Variants in ATG10 observed in about 807,000 individuals in gnomAD.
ATG10 encodes the protein ubiquitin-like-conjugating enzyme ATG10.
ATG10 carries 30 observed loss-of-function variants against 32.1 expected under a neutral mutation model. That is an observed-to-expected ratio of 0.94 (90% CI 0.70 to 1.27). ATG10 has a LOEUF of 1.27. ATG10 is among the 50% of genes most tolerant of loss of function. ATG10 has a pLI of 0.00. For missense variants in ATG10, 233 were observed against 262.3 expected (o/e 0.89, Z 0.77); for synonymous variants, 87 against 91.5 (o/e 0.95, Z 0.28).
chr5:82,073,743 C>G (rs190289708), intron 3 of ATG10: 13 of 152,322 alleles, frequency 8.5e-5, no homozygotes, highest in African/African-American at 1.9e-4. Context: ...TTGCTCTCCA[C>G]ATCTTTCTCA....
intron 3 of ATG10, among the ~76,000 whole-genome samples, chr5:82,059,405 CACTTT>C (rs1763700084): frequency 7.0e-6 from 1 of 143,104 alleles, no homozygotes; most frequent in African/African-American, 2.5e-5. Context: ...CACACACACA[CACTTT>C]TTTTTTTTTT....
chr5:82,059,405 CA>C (rs1188817286), intron 3 of ATG10, among the ~76,000 whole-genome samples: 3,205 of 143,090 alleles, frequency 0.022, 35 homozygotes, highest in Non-Finnish European at 0.033. Context: ...CACACACACA[CA>C]CTTTTTTTTT....
intron 3 of ATG10, among the ~76,000 whole-genome samples, chr5:82,123,817 T>TAAAC (rs1766143377): frequency 6.6e-6 from 1 of 151,180 alleles, no homozygotes. Context: ...AAGCCTGTTG[T>TAAAC]CTCAGCTAGT....
intron 5 of ATG10, among the ~76,000 whole-genome samples, chr5:82,219,771 T>G (rs111492236): frequency 6.4e-4 from 98 of 152,388 alleles, no homozygotes; most frequent in Non-Finnish European, 1.2e-3. Flanking sequence ...CTGTTTGCTC[T>G]ACATGCTTTA....
rs1384727262 is a variant in ATG10, at chr5:82,254,717, G to A, written c.*654G>A. ...CCATTTGTCTGACATGGAGATTGAGGGAGAAATGTATTTGTGTGTTCATTT... is the reference window on the plus strand; with the variant it reads ...CCATTTGTCTGACATGGAGATTGAGAGAGAAATGTATTTGTGTGTTCATTT... On this transcript the variant is annotated 3_prime_UTR_variant, in exon 8 of 8. Coordinates refer to ENST00000282185, the MANE Select transcript of ATG10 (RefSeq NM_031482.5). 1 of 152,070 alleles carries A rather than the reference G, an allele frequency of 6.6e-6. No homozygotes were observed. The highest frequency in any genetic ancestry group is 1.5e-5 in the Non-Finnish European group (1 of 68,016). 9.4% of individuals were successfully genotyped at this position (152,070 alleles called of 1,614,324 possible). A position where few individuals can be genotyped will look rare whatever the true frequency, so the allele number is the denominator to read the frequency against.
At chr5:82,084,316 G>A (rs887867835) in intron 3 of ATG10, among the ~76,000 whole-genome samples, 1 of 152,184 alleles carries the variant, frequency 6.6e-6, no homozygotes, top group African/African-American at 2.4e-5. Context: ...AAGCCTCCAA[G>A]AAATATGGAA....
chr5:82,178,072 TG>T (rs1188987079), intron 4 of ATG10, among the ~76,000 whole-genome samples: 3 of 152,268 alleles, frequency 2.0e-5, no homozygotes, highest in East Asian at 3.9e-4. Context: ...CATGAGAATG[TG>T]AAAGATGCAT....
At chr5:82,135,387 G>A (rs545703313) in intron 3 of ATG10, among the ~76,000 whole-genome samples, 82 of 152,136 alleles carry the variant, frequency 5.4e-4, no homozygotes, top group South Asian at 4.4e-3. Flanking sequence ...TTCTCTAAGC[G>A]CTGCTTTAGC....
At chr5:82,052,568 G>C (rs1463042122) in intron 2 of ATG10, among the ~76,000 whole-genome samples, 1 of 152,106 alleles carries the variant, frequency 6.6e-6, no homozygotes, top group African/African-American at 2.4e-5. Context: ...GTATTTATAG[G>C]CACAAAAGAG....
At chr5:82,139,713 G>C (rs1185148415) in intron 3 of ATG10, among the ~76,000 whole-genome samples, 5 of 143,244 alleles carry the variant, frequency 3.5e-5, no homozygotes, top group South Asian at 2.3e-4. Flanking sequence ...AGGGAGGTGG[G>C]GGGGGGTCAG....
At chr5:82,087,378 C>T (rs564566176) in intron 3 of ATG10, among the ~76,000 whole-genome samples, 38 of 151,874 alleles carry the variant, frequency 2.5e-4, no homozygotes, top group African/African-American at 9.2e-4. Context: ...ATTAATTGGG[C>T]TTAGGGGAAT....
intron 4 of ATG10, among the ~76,000 whole-genome samples, chr5:82,175,887 G>GCACACA (rs146858605): frequency 6.9e-4 from 89 of 129,580 alleles, no homozygotes; most frequent in Non-Finnish European, 1.4e-3. Flanking sequence ...ACACACACAC[G>GCACACA]CACACACACA....
At chr5:82,208,532 A>G (rs908388661) in intron 5 of ATG10, among the ~76,000 whole-genome samples, 17 of 151,974 alleles carry the variant, frequency 1.1e-4, no homozygotes, top group African/African-American at 4.1e-4. Context: ...GCATTTTCTT[A>G]GCTTCTTGTT....
At chr5:82,055,236 T>A (rs1484140824) in intron 2 of ATG10, among the ~76,000 whole-genome samples, 1 of 152,124 alleles carries the variant, frequency 6.6e-6, no homozygotes, top group African/African-American at 2.4e-5. Flanking sequence ...CTGAGAAGAT[T>A]GATACTGAAA....
intron 2 of ATG10, chr5:82,009,961 C>T: frequency 6.2e-7 from 1 of 1,611,826 alleles, no homozygotes; most frequent in Non-Finnish European, 8.5e-7. Context: ...TAACCAAATC[C>T]TTTCTCTCCA....
chr5:82,055,117 C>A (rs1763550666), intron 2 of ATG10, among the ~76,000 whole-genome samples: 1 of 151,990 alleles, frequency 6.6e-6, no homozygotes, highest in Admixed American at 6.6e-5. Context: ...ACATATTTTT[C>A]TGCCTTAAAT....
In ATG10 at chr5:82,051,165, G is replaced by A. The variant is rs1000379898; in HGVS notation, c.109-7330G>A. On this transcript the variant is annotated intron_variant, in intron 2 of 7. Transcript: ENST00000282185. ...TAATTCCCAGCTAGAGAACAAATGT[G>A]TTCAGTAGGGATTCACAAATTAGGT... is the stretch of plus-strand genomic sequence containing the variant. 3.9e-5 allele frequency among the ~76,000 whole-genome samples: 6 copies of A among 152,120 alleles called. No individual in the cohort carries two copies. The Admixed American group carries it at 3.9e-4, about 10-fold the overall frequency.
chr5:81,985,296 C>T (rs1761226276), intron 1 of ATG10, among the ~76,000 whole-genome samples: 1 of 152,126 alleles, frequency 6.6e-6, no homozygotes, highest in Admixed American at 6.6e-5. Context: ...GATCATCATA[C>T]AGTTGGAAAA....
intron 3 of ATG10, among the ~76,000 whole-genome samples, chr5:82,100,383 T>A (rs1391620351): frequency 6.6e-6 from 1 of 152,078 alleles, no homozygotes; most frequent in Non-Finnish European, 1.5e-5. Flanking sequence ...CCCCACGTTT[T>A]CCCTGCATAC....
Sources: gnomAD v4.1 joint callset for allele counts (sites outside exome capture counted in the v4.1 genomes callset) on GRCh38, gnomAD v4.1.1 for gene constraint, MANE v1.5 for transcripts, NCBI Gene and HGNC (gene_info 2026-07-23, HGNC 2026-07-21) for gene names.